Variants in DAAM1 observed in about 807,000 individuals in gnomAD.
DAAM1 encodes the protein disheveled-associated activator of morphogenesis 1.
Under a neutral mutation model 130.0 loss-of-function variants are expected in DAAM1, and 52 were observed. The ratio of observed to expected loss-of-function variants is 0.40; its 90% CI spans 0.32 to 0.50. DAAM1 has a LOEUF of 0.50. Among genes scored for constraint, DAAM1 ranks in the 20% least tolerant of loss-of-function variants. The pLI is 0.61. For synonymous variants in DAAM1, 452 were observed against 444.5 expected, an observed-to-expected ratio of 1.02 and a Z score of -0.21; for missense variants, 1,134 against 1,303.8, an observed-to-expected ratio of 0.87 and a Z score of 2.01.
intron 1 of DAAM1, among the ~76,000 whole-genome samples, chr14:59,222,022 T>C (rs1566655493): frequency 2.0e-5 from 3 of 152,216 alleles, no homozygotes. Flanking sequence ...ATTCAGAGCA[T>C]ATACAGTCTT....
intron 15 of DAAM1, among the ~76,000 whole-genome samples, chr14:59,333,495 C>G (rs1387565202): frequency 6.6e-6 from 1 of 152,238 alleles, no homozygotes; most frequent in Non-Finnish European, 1.5e-5. Context: ...CTGCCTCTTT[C>G]TCTGTCTGCT....
At chr14:59,284,912 C>T (rs184171930) in intron 2 of DAAM1, among the ~76,000 whole-genome samples, 3 of 152,178 alleles carry the variant, frequency 2.0e-5, no homozygotes, top group Admixed American at 6.6e-5. Flanking sequence ...GAAAATTTCC[C>T]CAGTCTCACT....
chr14:59,304,986 G>A (rs934391577), intron 3 of DAAM1, among the ~76,000 whole-genome samples: 1 of 152,180 alleles, frequency 6.6e-6, no homozygotes, highest in African/African-American at 2.4e-5. Flanking sequence ...GTTTTCCCAA[G>A]GGCTGGTTAC....
chr14:59,340,266 A>ACTCTGT, intron 16 of DAAM1, 86 bp downstream of exon 16: 1 of 1,289,010 alleles, frequency 7.8e-7, no homozygotes. Context: ...ATTTTGTTTT[A>ACTCTGT]ATTGTACTCT....
chr14:59,264,349 A>C (rs925541178), intron 2 of DAAM1: 2 of 152,606 alleles, frequency 1.3e-5, no homozygotes, highest in Non-Finnish European at 2.9e-5. Flanking sequence ...GTATTTCAGA[A>C]GATATTATGG....
At position 59,320,504 on chromosome 14, in the gene DAAM1, G is replaced by C; in HGVS notation, c.360G>C (p.Leu120=). The part of the protein sequence containing the change: ...LNSMAARKSL[L]ALEKEEEEER... ...TCTTTGCATAGAGAAAATCTCTGCT[G>C]GCTTTAGAGAAGGAAGAAGAAGAAG... Residue 120 remains leucine, a synonymous_variant, in exon 5 of 25, where the codon CTG becomes CTC. Transcript: ENST00000360909. 6.2e-7 allele frequency: 1 copy of C among 1,603,198 alleles called. No homozygotes were observed. Among genetic ancestry groups the C allele is most frequent in the Non-Finnish European group, 8.5e-7 (1 of 1,176,792 alleles).
intron 17 of DAAM1, among the ~76,000 whole-genome samples, 158 bp from the exon 18 acceptor site, chr14:59,352,368 A>G (rs1886322075): frequency 6.6e-6 from 1 of 152,252 alleles, no homozygotes; most frequent in South Asian, 2.1e-4. Context: ...AAATGAAAAG[A>G]TTTAATCATT....
intron 1 of DAAM1, among the ~76,000 whole-genome samples, chr14:59,231,719 G>C (rs991508064): frequency 1.3e-5 from 2 of 152,066 alleles, no homozygotes; most frequent in Non-Finnish European, 2.9e-5. Context: ...AACTTGATGA[G>C]GAATCCATTG....
intron 3 of DAAM1, among the ~76,000 whole-genome samples, chr14:59,305,123 T>C (rs1469928846): frequency 6.6e-6 from 1 of 152,226 alleles, no homozygotes; most frequent in Non-Finnish European, 1.5e-5. Context: ...CATAAGGGTT[T>C]AGCGTTGTGT....
chr14:59,348,484 T>G (rs779295416), intron 17 of DAAM1, among the ~76,000 whole-genome samples: 3 of 152,190 alleles, frequency 2.0e-5, no homozygotes, highest in Admixed American at 6.5e-5. Context: ...AGTCTCTGAA[T>G]GCTATAAGAT....
intron 1 of DAAM1, among the ~76,000 whole-genome samples, chr14:59,242,430 G>A (rs1881169953): frequency 6.6e-6 from 1 of 152,176 alleles, no homozygotes; most frequent in Non-Finnish European, 1.5e-5. Flanking sequence ...CATTGGCTTT[G>A]CCAATCAAGT....
intron 3 of DAAM1, among the ~76,000 whole-genome samples, chr14:59,313,149 A>G (rs138101902): frequency 8.3e-4 from 127 of 152,344 alleles, no homozygotes; most frequent in Middle Eastern, 3.4e-3. Flanking sequence ...CAAACTCTTA[A>G]TGCCTCACAA....
intron 2 of DAAM1, among the ~76,000 whole-genome samples, chr14:59,285,409 T>C (rs1431007528): frequency 6.6e-6 from 1 of 152,088 alleles, no homozygotes; most frequent in African/African-American, 2.4e-5. Flanking sequence ...AACGGCACAA[T>C]GAAAGGATCA....
intron 2 of DAAM1, among the ~76,000 whole-genome samples, chr14:59,276,757 T>C (rs1464087342): frequency 6.6e-6 from 1 of 152,186 alleles, no homozygotes; most frequent in African/African-American, 2.4e-5. Context: ...AGGTACCTTA[T>C]CAAGGACCAT....
chr14:59,327,101 A>G (rs1239728505), intron 12 of DAAM1, 110 bp downstream of exon 12: 1 of 1,243,556 alleles, frequency 8.0e-7, no homozygotes, highest in Non-Finnish European at 1.1e-6. Context: ...TGGTGCAGGC[A>G]GCCTTTCTTT....
intron 1 of DAAM1, among the ~76,000 whole-genome samples, chr14:59,244,390 T>G (rs1881269122): frequency 6.6e-6 from 1 of 152,174 alleles, no homozygotes; most frequent in African/African-American, 2.4e-5. Flanking sequence ...CTCTACAACA[T>G]ACACTCACTC....
intron 16 of DAAM1, among the ~76,000 whole-genome samples, chr14:59,346,146 G>A (rs901576708): frequency 5.8e-4 from 86 of 148,750 alleles, no homozygotes; most frequent in Admixed American, 1.3e-3. Flanking sequence ...TTTGGGGGGG[G>A]GGGGGTGCCT....
intron 1 of DAAM1, among the ~76,000 whole-genome samples, chr14:59,197,544 G>A (rs920675632): frequency 2.6e-5 from 4 of 152,318 alleles, no homozygotes; most frequent in African/African-American, 9.6e-5. Context: ...GAAATACTCT[G>A]ACCCATTTAG....
chr14:59,322,619 T>A (rs796328096), intron 5 of DAAM1, among the ~76,000 whole-genome samples: 7 of 152,312 alleles, frequency 4.6e-5, no homozygotes, highest in African/African-American at 1.7e-4. Context: ...TTGCTTCTAA[T>A]TTTTTATGAA....
Sources: gnomAD v4.1 joint callset for allele counts (sites outside exome capture counted in the v4.1 genomes callset) on GRCh38, gnomAD v4.1.1 for gene constraint, MANE v1.5 for transcripts, NCBI Gene and HGNC (gene_info 2026-07-23, HGNC 2026-07-21) for gene names.